Variants in NUP98 observed in about 807,000 individuals in gnomAD.
The protein encoded by NUP98 is nuclear pore complex protein Nup98-Nup96.
NUP98 carries 26 observed loss-of-function variants against 191.9 expected under a neutral mutation model. The ratio of observed to expected loss-of-function variants is 0.14; its 90% CI spans 0.10 to 0.19. NUP98 has a LOEUF of 0.19. Among genes scored for constraint, NUP98 ranks in the 10% least tolerant of loss-of-function variants. The pLI, the probability that NUP98 is intolerant of heterozygous loss-of-function variation, is 1.00. For synonymous variants in NUP98, 808 were observed against 778.4 expected, an observed-to-expected ratio of 1.04 and a Z score of -0.63; for missense variants, 1,941 against 2,178.8, an observed-to-expected ratio of 0.89 and a Z score of 2.17.
intron 9 of NUP98, among the ~76,000 whole-genome samples, chr11:3,761,127 G>C (rs1227820372): frequency 6.6e-6 from 1 of 152,182 alleles, no homozygotes; most frequent in African/African-American, 2.4e-5. Flanking sequence ...AATCCATAGA[G>C]AGAAAGTAGG....
intron 4 of NUP98, among the ~76,000 whole-genome samples, chr11:3,778,198 C>CAAAAAAAAAAA (rs71302029): frequency 1.7e-5 from 1 of 60,540 alleles, no homozygotes; most frequent in Non-Finnish European, 3.3e-5. Flanking sequence ...GACTCCATCT[C>CAAAAAAAAAAA]AAAAAAAAAA....
chr11:3,764,275 A>G (rs1025986174), intron 8 of NUP98, among the ~76,000 whole-genome samples: 2 of 152,220 alleles, frequency 1.3e-5, no homozygotes, highest in Non-Finnish European at 2.9e-5. Flanking sequence ...AGCATATATT[A>G]GTACTTCATT....
chr11:3,676,470 A>C (rs771415328), intron 32 of NUP98, 39 bp downstream of exon 32: 20 of 1,605,654 alleles, frequency 1.2e-5, no homozygotes, highest in Middle Eastern at 1.7e-4. Context: ...AAAAACAGGA[A>C]GCAAGAAGGC....
At chr11:3,782,420 T>G (rs1156824964) in intron 1 of NUP98, among the ~76,000 whole-genome samples, 1 of 150,944 alleles carries the variant, frequency 6.6e-6, no homozygotes, top group Non-Finnish European at 1.5e-5. Flanking sequence ...TTTCAATCTT[T>G]TTTTTTTTTT....
chr11:3,702,328 CTCTCTCTCTCTCTCTCTCTCTCTCT>C, intron 23 of NUP98, 110 bp downstream of exon 23: 1 of 105,008 alleles, frequency 9.5e-6, no homozygotes, highest in Non-Finnish European at 1.5e-5. Context: ...CTCTCTCTCT[CTCTCTCTCTCTCTCTCTCTCTCTCT>C]CTCTCTCTCT....
chr11:3,723,403 C>T lies in NUP98; in HGVS notation c.1900G>A (p.Glu634Lys), dbSNP rs766136748. The T allele has an allele frequency of 9.9e-6, 16 of 1,613,986 alleles. No individual in the cohort carries two copies. The highest frequency in any genetic ancestry group is 1.7e-5 in the Admixed American group (1 of 59,984). Residue 634 changes from glutamate (E) to lysine (K), a missense_variant, in exon 16 of 33, where the codon GAA (glutamate) becomes AAA (lysine). By Grantham distance (56) the Glu-to-Lys change is moderately conservative (BLOSUM62 1). Coordinates refer to ENST00000324932, the MANE Select transcript of NUP98 (RefSeq NM_016320.5). ...VDENHQQDGDEDSLVSHFYTN... is the reference protein window; with the variant it reads ...VDENHQQDGDKDSLVSHFYTN... Reference sequence around the variant, plus strand: ...TAAAAATGTGAAACAAGGGAATCTTCATCTCCATCCTGCTGGTGATTCTCA... The same window carrying T: ...TAAAAATGTGAAACAAGGGAATCTTTATCTCCATCCTGCTGGTGATTCTCA...
At chr11:3,719,333 A>T in intron 18 of NUP98, 79 bp downstream of exon 18, 1 of 1,110,930 alleles carries the variant, frequency 9.0e-7, no homozygotes, top group Non-Finnish European at 1.3e-6. Context: ...ACAGAAGCAT[A>T]CATCTAAACA....
chr11:3,790,565 T>C (rs745750982), intron 1 of NUP98, among the ~76,000 whole-genome samples: 13 of 152,168 alleles, frequency 8.5e-5, no homozygotes, highest in Admixed American at 3.9e-4. Flanking sequence ...TGTGCTGATG[T>C]GCAAAATCAA....
At chr11:3,728,267 T>C (rs2079699028) in intron 14 of NUP98, among the ~76,000 whole-genome samples, 1 of 152,092 alleles carries the variant, frequency 6.6e-6, no homozygotes, top group Non-Finnish European at 1.5e-5. Flanking sequence ...TAATGGGAAA[T>C]CCTACCTTTG....
intron 10 of NUP98, among the ~76,000 whole-genome samples, chr11:3,755,596 T>G (rs2080932117): frequency 6.6e-6 from 1 of 152,150 alleles, no homozygotes; most frequent in Non-Finnish European, 1.5e-5. Context: ...GATTATTATC[T>G]CAATGAAAAA....
rs377658051 is a variant in NUP98 at position 3,678,837 on chromosome 11, G to A, written c.5073+717C>T. ...CTACAAAGACTGACCTTAAGGCTGC[G>A]TGCAGGCGTGCGGTAAGCTCATGCC... is the stretch of plus-strand genomic sequence containing the variant. On this transcript the variant is annotated intron_variant, in intron 31 of 32. Transcript: ENST00000324932. Among the ~76,000 whole-genome samples, 13 of 152,196 alleles carry A rather than the reference G, an allele frequency of 8.5e-5. 1 individual carries two copies. Among genetic ancestry groups the A allele is most frequent in the South Asian group, 4.2e-4 (2 of 4,818 alleles).
At chr11:3,711,953 T>C (rs985791947) in intron 20 of NUP98, 4 of 1,043,558 alleles carry the variant, frequency 3.8e-6, no homozygotes, top group Non-Finnish European at 4.6e-6. Flanking sequence ...AGAGGATGCT[T>C]TACAAAGAAA....
intron 30 of NUP98, among the ~76,000 whole-genome samples, chr11:3,680,312 GCTTT>G (rs1441409246): frequency 6.6e-6 from 1 of 152,132 alleles, no homozygotes; most frequent in African/African-American, 2.4e-5. Flanking sequence ...TCAAGAAACT[GCTTT>G]CTTTGCTTGT....
intron 8 of NUP98, among the ~76,000 whole-genome samples, chr11:3,763,834 C>T (rs952350136): frequency 6.6e-6 from 1 of 152,210 alleles, no homozygotes; most frequent in African/African-American, 2.4e-5. Context: ...CCACTGCACC[C>T]AGCCAAAAGC....
chr11:3,784,942 G>T (rs1239036783), intron 1 of NUP98, among the ~76,000 whole-genome samples: 2 of 152,046 alleles, frequency 1.3e-5, no homozygotes, highest in East Asian at 1.9e-4. Context: ...TTCGAGACCA[G>T]CCTGGCCAAC....
intron 28 of NUP98, 77 bp from the exon 29 acceptor site, chr11:3,686,271 G>A: frequency 7.7e-7 from 1 of 1,296,356 alleles, no homozygotes. Context: ...TTCTGCTTAT[G>A]TCTAAGACAA....
chr11:3,711,787 C>T (rs1481575663), intron 20 of NUP98: 1 of 887,152 alleles, frequency 1.1e-6, no homozygotes, highest in African/African-American at 1.8e-5. Flanking sequence ...ATCATACCCT[C>T]CCCTCCCCTG....
At chr11:3,758,686 G>A (rs1359270227) in intron 10 of NUP98, among the ~76,000 whole-genome samples, 5 of 152,124 alleles carry the variant, frequency 3.3e-5, no homozygotes, top group African/African-American at 4.8e-5. Flanking sequence ...TCAGGAGGCC[G>A]AGACAGGAAA....
At chr11:3,764,735 T>A (rs975973868) in intron 8 of NUP98, among the ~76,000 whole-genome samples, 1 of 152,186 alleles carries the variant, frequency 6.6e-6, no homozygotes, top group African/African-American at 2.4e-5. Context: ...GGCACCACCA[T>A]GCCCGGCTAA....
Sources: allele counts gnomAD v4.1 joint callset (sites outside exome capture counted in the v4.1 genomes callset), GRCh38; gene constraint gnomAD v4.1.1; transcripts MANE v1.5; gene names NCBI Gene and HGNC (gene_info 2026-07-23, HGNC 2026-07-21).